The following C4orf36 variants were observed in gnomAD, a reference collection of about 807,000 sequenced individuals.
C4orf36 encodes the protein chromosome 4 open reading frame 36.
C4orf36 carries 11 observed loss-of-function variants against 12.2 expected under a neutral mutation model. The ratio of observed to expected loss-of-function variants is 0.90; its 90% confidence interval spans 0.57 to 1.49. The LOEUF (loss-of-function observed/expected upper bound fraction) is 1.49, where lower values mean the gene tolerates loss of function less well. Ranked by LOEUF, C4orf36 falls within the 40% of genes most tolerant of loss-of-function variation. C4orf36 has a pLI of 0.00. For missense variants in C4orf36, 137 were observed against 133.9 expected, an observed-to-expected ratio of 1.02 and a Z score of -0.11; for synonymous variants, 54 against 51.3, an observed-to-expected ratio of 1.05 and a Z score of -0.22.
At chr4:86,888,059 C>A in intron 3 of C4orf36, 62 bp downstream of exon 3, 1 of 1,577,322 alleles carries the variant, frequency 6.3e-7, no homozygotes, top group East Asian at 2.2e-5. Context: ...TTAAACATTT[C>A]TCTGATAAGC....
chr4:86,905,771 G>A, the C4orf36 span, among the ~76,000 whole-genome samples: 1 of 150,000 alleles, frequency 6.7e-6, no homozygotes. Context: ...AGGCTGGAGT[G>A]CAATGGCACA....
At chr4:86,902,901 AAAC>A in the C4orf36 span, among the ~76,000 whole-genome samples, 5 of 152,156 alleles carry the variant, frequency 3.3e-5, no homozygotes, top group Non-Finnish European at 7.3e-5. Context: ...CCTGTATGCC[AAAC>A]AGTGTAATAA....
the C4orf36 span, chr4:86,914,388 TTCC>T: frequency 2.5e-6 from 2 of 813,600 alleles, no homozygotes; most frequent in Non-Finnish European, 3.8e-6. Context: ...GTTCTTCTTC[TTCC>T]TTTTTTTTTT....
chr4:86,899,044 T>A, the C4orf36 span, among the ~76,000 whole-genome samples: 3 of 152,120 alleles, frequency 2.0e-5, no homozygotes, highest in Non-Finnish European at 4.4e-5. Flanking sequence ...TGAGCCACGA[T>A]TGTGCCACTG....
At chr4:86,919,976 CTA>C in the C4orf36 span, among the ~76,000 whole-genome samples, 2 of 152,134 alleles carry the variant, frequency 1.3e-5, no homozygotes. Flanking sequence ...CTGCAATGAG[CTA>C]TGATCACACC....
the C4orf36 span, among the ~76,000 whole-genome samples, chr4:86,933,849 T>C: frequency 3.3e-5 from 5 of 152,244 alleles, no homozygotes; most frequent in African/African-American, 1.2e-4. Flanking sequence ...TTAATTATTT[T>C]AGCTGTCTAG....
intron 4 of C4orf36, among the ~76,000 whole-genome samples, chr4:86,876,862 C>T (rs932349208): frequency 1.3e-5 from 2 of 152,294 alleles, no homozygotes; most frequent in East Asian, 3.9e-4. Flanking sequence ...TCTACTAAAA[C>T]CTAGAGTTTT....
At chr4:86,903,900 T>C in the C4orf36 span, among the ~76,000 whole-genome samples, 1 of 152,284 alleles carries the variant, frequency 6.6e-6, no homozygotes, top group South Asian at 2.1e-4. Flanking sequence ...AAGTCCCCAC[T>C]GACTAGCTAG....
chr4:86,901,508 C>T, the C4orf36 span, among the ~76,000 whole-genome samples: 2 of 151,286 alleles, frequency 1.3e-5, no homozygotes, highest in Non-Finnish European at 2.9e-5. Context: ...CTCAGGTTCA[C>T]ACTGTTTTCC....
At chr4:86,930,443 T>C in the C4orf36 span, among the ~76,000 whole-genome samples, 1 of 152,290 alleles carries the variant, frequency 6.6e-6, no homozygotes, top group African/African-American at 2.4e-5. Flanking sequence ...ATGATCAAGA[T>C]GAAATATCTC....
At chr4:86,918,236 TG>T in the C4orf36 span, among the ~76,000 whole-genome samples, 3 of 152,140 alleles carry the variant, frequency 2.0e-5, no homozygotes, top group African/African-American at 7.2e-5. Context: ...ATATGAATTT[TG>T]GGGGGGACAT....
chr4:86,895,040 G>T (rs188129166), upstream of C4orf36, among the ~76,000 whole-genome samples: 1 of 152,150 alleles, frequency 6.6e-6, no homozygotes, highest in Admixed American at 6.5e-5. Context: ...AGTTGGGCAC[G>T]GTGGCTCATG....
chr4:86,913,824 A>AAT, the C4orf36 span: 24 of 679,616 alleles, frequency 3.5e-5, no homozygotes, highest in Non-Finnish European at 4.7e-5. Context: ...CTTTTCATCC[A>AAT]CTTTTTTTTT....
At chr4:86,897,968 T>C in the C4orf36 span, among the ~76,000 whole-genome samples, 4 of 152,226 alleles carry the variant, frequency 2.6e-5, no homozygotes, top group African/African-American at 7.2e-5. Context: ...TTTCCTTACA[T>C]ATCTTAATAC....
chr4:86,911,071 G>A, the C4orf36 span, among the ~76,000 whole-genome samples: 1 of 152,114 alleles, frequency 6.6e-6, no homozygotes, highest in South Asian at 2.1e-4. Flanking sequence ...GACAGAGTGA[G>A]ACTCCATCTC....
At chr4:86,887,156 T>G (rs2149421357) in intron 4 of C4orf36, 1 of 152,202 alleles carries the variant, frequency 6.6e-6, no homozygotes, top group Admixed American at 6.5e-5. Context: ...GAGATATACC[T>G]AATGTAAATG....
the C4orf36 span, among the ~76,000 whole-genome samples, chr4:86,917,690 A>T: frequency 1.3e-5 from 2 of 152,184 alleles, no homozygotes; most frequent in Non-Finnish European, 2.9e-5. Flanking sequence ...CATAAAAACA[A>T]GAATACCTTC....
chr4:86,881,408 G>A (rs951851050), intron 4 of C4orf36, among the ~76,000 whole-genome samples: 1 of 152,048 alleles, frequency 6.6e-6, no homozygotes, highest in African/African-American at 2.4e-5. Context: ...GCTATCTCCT[G>A]ATTTTTAAAA....
chr4:86,888,337 G>A (rs1578778353), intron 2 of C4orf36, 62 bp from the exon 3 acceptor site: 1 of 1,485,008 alleles, frequency 6.7e-7, no homozygotes, highest in East Asian at 2.3e-5. Context: ...TATGTGAGAT[G>A]TAGAAGACAT....
Sources: gnomAD v4.1 joint callset for allele counts (sites outside exome capture counted in the v4.1 genomes callset) on GRCh38, gnomAD v4.1.1 for gene constraint, MANE v1.5 for transcripts, NCBI Gene and HGNC (gene_info 2026-07-23, HGNC 2026-07-21) for gene names.